Variants in GSE1 observed in about 807,000 individuals in gnomAD.
GSE1 encodes the protein Gse1 coiled-coil protein.
GSE1 carries 32 observed loss-of-function variants against 112.6 expected under a neutral mutation model. That is an observed-to-expected ratio of 0.28 (90% CI 0.21 to 0.38). GSE1 has a LOEUF of 0.38. Ranked by LOEUF, GSE1 falls within the 10% of genes least tolerant of loss-of-function variation. GSE1 has a pLI of 1.00. For missense variants in GSE1, 2,348 were observed against 1,699.2 expected, an observed-to-expected ratio of 1.38 and a Z score of -6.71; for synonymous variants, 1,115 against 735.6, an observed-to-expected ratio of 1.52 and a Z score of -8.35.
At chr16:85,501,980 C>T (rs2051383917) in intron 2 of GSE1, among the ~76,000 whole-genome samples, 1 of 152,226 alleles carries the variant, frequency 6.6e-6, no homozygotes, top group East Asian at 1.9e-4. Context: ...GGGCTGCTCT[C>T]CTCACAGGAG....
chr16:85,547,820 A>G (rs2044752436), intron 2 of GSE1, among the ~76,000 whole-genome samples: 1 of 148,858 alleles, frequency 6.7e-6, no homozygotes, highest in Non-Finnish European at 1.5e-5. Context: ...CGGAGGCTGT[A>G]GTGAGCCGAG....
chr16:85,629,197 A>G (rs180800691), intron 1 of GSE1, among the ~76,000 whole-genome samples: 1 of 152,324 alleles, frequency 6.6e-6, no homozygotes, highest in East Asian at 1.9e-4. Context: ...GTCAGGAGCC[A>G]AAATAAGCCT....
chr16:85,436,577 C>G (rs903293035), intron 2 of GSE1, among the ~76,000 whole-genome samples: 2 of 152,216 alleles, frequency 1.3e-5, no homozygotes, highest in African/African-American at 4.8e-5. Context: ...GAAACTCGGC[C>G]CAGAGTGTGA....
At chr16:85,625,932 G>A (rs938799684) in intron 1 of GSE1, among the ~76,000 whole-genome samples, 79 of 152,236 alleles carry the variant, frequency 5.2e-4, no homozygotes, top group African/African-American at 1.8e-3. Flanking sequence ...CCTGGGGTAG[G>A]GACTCCTGTG....
chr16:85,523,547 C>T (rs1324198190), intron 2 of GSE1, among the ~76,000 whole-genome samples: 2 of 152,160 alleles, frequency 1.3e-5, no homozygotes, highest in African/African-American at 2.4e-5. Context: ...AGGAAGGAAG[C>T]AGGGCTAAGG....
Position 85,514,427 on chromosome 16 carries a change from C to T in GSE1, c.2465-119487C>T, listed in dbSNP as rs1247914324. Among the ~76,000 whole-genome samples, 8 of 69,228 alleles carry T rather than the reference C, an allele frequency of 1.2e-4. No homozygotes were observed. The East Asian group carries it at 5.5e-3, about 47-fold the overall frequency. 45.4% of individuals were successfully genotyped at this position (69,228 alleles called of 152,430 possible). Reference sequence around the variant, plus strand: ...CCAGGATGCCCGCATGCTCTCGAGTCCCCCCCCCCACCCCAGGGCAGCTCC... The same window carrying T: ...CCAGGATGCCCGCATGCTCTCGAGTTCCCCCCCCCACCCCAGGGCAGCTCC... On this transcript the variant is annotated intron_variant, in intron 2 of 2. Coordinates refer to the GSE1 transcript ENST00000637419.
chr16:85,549,735 G>A (rs182271355), intron 2 of GSE1, among the ~76,000 whole-genome samples: 4 of 152,174 alleles, frequency 2.6e-5, no homozygotes, highest in African/African-American at 7.2e-5. Context: ...GTTCATAGAC[G>A]GTCCAGGGAC....
chr16:85,265,563 C>T (rs1172718704), intron 1 of GSE1, among the ~76,000 whole-genome samples: 1 of 152,172 alleles, frequency 6.6e-6, no homozygotes, highest in Admixed American at 6.5e-5. Context: ...GGTCAAACTC[C>T]TCATCTCGGG....
rs1030280655 is a variant in GSE1 at position 85,630,546 on chromosome 16, G to A, written c.8-3368G>A. Among the ~76,000 whole-genome samples the A allele has an allele frequency of 5.3e-5, 8 of 152,298 alleles. No homozygotes were observed. In the East Asian group the frequency reaches 1.4e-3, roughly 26 times the overall value. ...TGCCCAGGCTGGTTTTGAACTCCTG[G>A]CCTCACGCAGTCCTCCCACCTCACC... On this transcript the variant is annotated intron_variant, in intron 1 of 15. Coordinates refer to ENST00000253458, the MANE Select transcript of GSE1 (RefSeq NM_014615.5).
chr16:85,481,177 C>T (rs1031829571), intron 2 of GSE1, among the ~76,000 whole-genome samples: 16 of 152,254 alleles, frequency 1.1e-4, no homozygotes, highest in African/African-American at 3.4e-4. Flanking sequence ...CCAGGCTTCC[C>T]AGGTTTACAC....
intron 2 of GSE1, among the ~76,000 whole-genome samples, chr16:85,546,438 CAG>C (rs1001324938): frequency 1.6e-4 from 24 of 152,166 alleles, no homozygotes; most frequent in African/African-American, 5.8e-4. Flanking sequence ...CTCAACCTCT[CAG>C]GGGTGCATTA....
At chr16:85,639,343 TC>T (rs1430611665) in intron 2 of GSE1, among the ~76,000 whole-genome samples, 14 of 152,242 alleles carry the variant, frequency 9.2e-5, no homozygotes, top group African/African-American at 3.1e-4. Context: ...TCCCTGCCTC[TC>T]CTACCAGGAC....
chr16:85,392,401 C>T (rs1455609568), intron 2 of GSE1, among the ~76,000 whole-genome samples: 1 of 152,144 alleles, frequency 6.6e-6, no homozygotes, highest in Non-Finnish European at 1.5e-5. Context: ...CTTAAAACAT[C>T]CATTGCTTCG....
intron 3 of GSE1, among the ~76,000 whole-genome samples, chr16:85,653,404 C>T (rs1438810274): frequency 6.8e-6 from 1 of 146,296 alleles, no homozygotes; most frequent in South Asian, 2.3e-4. Context: ...TGCGTGTGTG[C>T]GGGGCAGCCT....
upstream of GSE1, among the ~76,000 whole-genome samples, chr16:85,551,466 A>C (rs1394937376): frequency 6.6e-6 from 1 of 152,208 alleles, no homozygotes; most frequent in African/African-American, 2.4e-5. Context: ...CCAAGCCACA[A>C]GGGACAGTGG....
At chr16:85,540,784 G>A (rs1175999874) in intron 2 of GSE1, among the ~76,000 whole-genome samples, 2 of 152,086 alleles carry the variant, frequency 1.3e-5, no homozygotes, top group Admixed American at 6.6e-5. Flanking sequence ...GCATGGGCCT[G>A]TAGTCCTTGA....
At position 85,498,023 on chromosome 16, in the gene GSE1, C is replaced by T. The variant is rs148465667; in HGVS notation, c.2465-135891C>T. The stretch of plus-strand genomic sequence containing the variant: ...CCCTGACCACCGTGCCTGTGTGCTC[C>T]GCAGGAGCACCACACCTCAGTGGGG... On this transcript the variant is annotated intron_variant, in intron 2 of 2. Coordinates refer to the GSE1 transcript ENST00000637419. Among the ~76,000 whole-genome samples the T allele has an allele frequency of 4.7e-3, 714 of 151,862 alleles. 8 individuals carry two copies. Among genetic ancestry groups the T allele is most frequent in the Admixed American group, 0.032 (494 of 15,292 alleles).
chr16:85,607,978 C>G (rs2047784568), upstream of GSE1, among the ~76,000 whole-genome samples: 6 of 152,174 alleles, frequency 3.9e-5, no homozygotes, highest in Admixed American at 3.9e-4. Flanking sequence ...GGGGAGGGGC[C>G]TGGGGATCTG....
chr16:85,571,774 C>T (rs1482713676), intron 1 of GSE1, among the ~76,000 whole-genome samples: 1 of 152,054 alleles, frequency 6.6e-6, no homozygotes, highest in African/African-American at 2.4e-5. Flanking sequence ...TGGCGGAGCT[C>T]AGGCTGCAGA....
Sources: allele counts gnomAD v4.1 joint callset (sites outside exome capture counted in the v4.1 genomes callset), GRCh38; gene constraint gnomAD v4.1.1; transcripts MANE v1.5; gene names NCBI Gene and HGNC (gene_info 2026-07-23, HGNC 2026-07-21).